The following KLHL13 variants were observed in gnomAD, a reference collection of about 807,000 sequenced individuals.
KLHL13 encodes the protein kelch like family member 13.
In KLHL13, 10 loss-of-function variants were observed where a neutral mutation model predicts 37.1. The observed-to-expected ratio is 0.27, with a 90% CI of 0.17 to 0.46. The LOEUF (loss-of-function observed/expected upper bound fraction) is 0.46. Ranked by LOEUF, KLHL13 falls within the 20% of genes least tolerant of loss-of-function variation. KLHL13 has a pLI of 1.00. For missense variants in KLHL13, 360 were observed against 509.3 expected, an observed-to-expected ratio of 0.71 and a Z score of 2.82; for synonymous variants, 163 against 181.2, an observed-to-expected ratio of 0.90 and a Z score of 0.81.
chrX:118,038,167 A>G (rs1159434808), intron 1 of KLHL13, among the ~76,000 whole-genome samples: 1 of 112,263 alleles, frequency 8.9e-6, no homozygotes, highest in Non-Finnish European at 1.9e-5. Flanking sequence ...GTGTCAATGT[A>G]GGAATATTTA....
intron 1 of KLHL13, among the ~76,000 whole-genome samples, chrX:118,050,046 CTT>C (rs955743705): frequency 2.7e-5 from 3 of 112,131 alleles, no homozygotes; most frequent in Non-Finnish European, 3.8e-5. Flanking sequence ...CCCGTCTTTT[CTT>C]TCTTTCTTTT....
intron 1 of KLHL13, among the ~76,000 whole-genome samples, chrX:118,064,784 A>T (rs1488475813): frequency 8.9e-6 from 1 of 111,848 alleles, no homozygotes; most frequent in Non-Finnish European, 1.9e-5. Context: ...CATATTTGCT[A>T]GCTGTTTTCT....
intron 1 of KLHL13, among the ~76,000 whole-genome samples, chrX:118,072,247 T>G (rs1391400179): frequency 9.0e-6 from 1 of 111,442 alleles, no homozygotes; most frequent in Admixed American, 9.5e-5. Flanking sequence ...CCCTATTTAA[T>G]AAATGGTGCT....
At chrX:118,016,525 T>C (rs1280446511) in intron 1 of KLHL13, among the ~76,000 whole-genome samples, 1 of 111,855 alleles carries the variant, frequency 8.9e-6, no homozygotes, top group East Asian at 2.8e-4. Context: ...CTTCTACAGG[T>C]ATTTACTGAA....
intron 1 of KLHL13, among the ~76,000 whole-genome samples, chrX:117,954,987 C>T (rs948318980): frequency 2.9e-4 from 33 of 112,082 alleles, no homozygotes; most frequent in African/African-American, 7.8e-4. Flanking sequence ...CATTTTACTC[C>T]CATTATCTGT....
At chrX:118,105,478 T>G (rs2055335879) in intron 1 of KLHL13, among the ~76,000 whole-genome samples, 1 of 112,804 alleles carries the variant, frequency 8.9e-6, no homozygotes, top group African/African-American at 3.2e-5. Flanking sequence ...TTCTACCTCA[T>G]AGTATTGTTA....
rs192100647 is a variant in KLHL13, at chrX:117,905,108, C to T, written c.1367-3162G>A. Among the ~76,000 whole-genome samples the T allele has an allele frequency of 4.5e-5, 5 of 110,868 alleles. No homozygotes were observed. In the East Asian group the frequency reaches 8.5e-4, roughly 19 times the overall value. On this transcript the variant is annotated intron_variant, in intron 5 of 6. Transcript: ENST00000262820. Reference sequence around the variant, plus strand: ...GGAGATGGACTCTAGAAACATAGAACGCTGGTGAGTGATCAAGAAACCCCC... The same window carrying T: ...GGAGATGGACTCTAGAAACATAGAATGCTGGTGAGTGATCAAGAAACCCCC...
rs1034605619 is a variant in KLHL13, at chrX:117,909,566, A to G, written c.1101T>C (p.His367=). The change falls in exon 5 of 7, where the codon CAT becomes CAC. Residue 367 remains histidine, a synonymous_variant. Transcript: ENST00000262820. ...CCATGGGGGCTAACGATTTCCACTC[A>G]TGGGCCTTTTCATCATACATGCGCA... 7.4e-6 allele frequency: 9 copies of G among 1,209,907 alleles called. No individual in the cohort carries two copies. In the African/African-American group the frequency reaches 1.2e-4, roughly 16 times the overall value.
chrX:117,960,863 AT>A (rs1180958198), intron 1 of KLHL13, among the ~76,000 whole-genome samples: 2 of 112,089 alleles, frequency 1.8e-5, no homozygotes, highest in Non-Finnish European at 3.8e-5. Flanking sequence ...CAGTGGAGTT[AT>A]TCTGAATGAT....
intron 5 of KLHL13, among the ~76,000 whole-genome samples, chrX:117,904,732 T>C (rs1214075656): frequency 1.8e-5 from 2 of 111,716 alleles, no homozygotes; most frequent in Non-Finnish European, 1.9e-5. Flanking sequence ...TTATGTAGGG[T>C]TGCTTTTACA....
chrX:118,078,141 C>T lies in KLHL13; in HGVS notation c.-56+38367G>A, dbSNP rs547488196. Among the ~76,000 whole-genome samples, 32 of 111,665 alleles carry T rather than the reference C, an allele frequency of 2.9e-4. No homozygotes were observed. The South Asian group carries it at 0.012, about 40-fold the overall frequency. On this transcript the variant is annotated intron_variant, in intron 1 of 6. Coordinates refer to the KLHL13 transcript ENST00000371882. The stretch of plus-strand genomic sequence containing the variant: ...TTAGTAGACGCAGCAGAAGGGGCTC[C>T]TTATAGTTTAGCGTCACCTGTAGCA...
At chrX:117,939,785 G>C (rs1013932679) in intron 2 of KLHL13, among the ~76,000 whole-genome samples, 5 of 111,823 alleles carry the variant, frequency 4.5e-5, no homozygotes, top group African/African-American at 1.6e-4. Context: ...TTTTGATGGG[G>C]TGGTTTGTTT....
Position 118,028,341 on chromosome X carries a change from A to C in KLHL13, c.-55-82766T>G, listed in dbSNP as rs776188582. ...ATACTTACTTTATACCAAGTATTCA[A>C]CAAATATTTATTGAATGCCTGCTAT... On this transcript the variant is annotated intron_variant, in intron 1 of 6. Coordinates refer to the KLHL13 transcript ENST00000371882. 7.2e-5 allele frequency: 42 copies of C among 584,874 alleles called. No individual in the cohort carries two copies. In the Admixed American group the frequency reaches 8.6e-4, roughly 12 times the overall value. 48.2% of individuals were successfully genotyped at this position (584,874 alleles called of 1,213,427 possible).
intron 1 of KLHL13, among the ~76,000 whole-genome samples, chrX:118,005,707 A>C (rs1176255067): frequency 9.0e-6 from 1 of 111,664 alleles, no homozygotes. Context: ...AAAGGCAAGG[A>C]AACGGATTTT....
chrX:117,957,718 CT>C (rs2053226699), intron 1 of KLHL13, among the ~76,000 whole-genome samples: 1 of 111,262 alleles, frequency 9.0e-6, no homozygotes, highest in African/African-American at 3.3e-5. Context: ...TAATTTATTT[CT>C]CCTAAACCCT....
At position 117,901,951 on chromosome X, in the gene KLHL13, T is replaced by TAAA; in HGVS notation, c.1367-8_1367-6dup. ...GATTGTAACATTCTACTGTGGCTGTTAAAAAAAAAAAGAAAAGAAAATTAT... is the reference window on the plus strand; with the variant it reads ...GATTGTAACATTCTACTGTGGCTGTTAAAAAAAAAAAAAAGAAAAGAAAATTAT... On this transcript the variant is annotated splice_polypyrimidine_tract_variant and splice_region_variant and intron_variant, in intron 5 of 6. Coordinates refer to ENST00000262820, the Ensembl canonical transcript of KLHL13. The TAAA allele has an allele frequency of 1.2e-6, 1 of 843,562 alleles. No individual in the cohort carries two copies. Among genetic ancestry groups the TAAA allele is most frequent in the Non-Finnish European group, 1.6e-6 (1 of 615,327 alleles). The allele number at this position is 843,562 out of a possible 1,213,427, so 69.5% of individuals were successfully genotyped here.
intron 1 of KLHL13, among the ~76,000 whole-genome samples, chrX:118,081,455 T>G (rs1260385204): frequency 3.6e-5 from 4 of 110,672 alleles, no homozygotes; most frequent in Non-Finnish European, 7.6e-5. Flanking sequence ...TGATTTTTGG[T>G]TTTTTTTAAC....
At chrX:117,956,273 A>G (rs1435143286) in intron 1 of KLHL13, among the ~76,000 whole-genome samples, 1 of 112,173 alleles carries the variant, frequency 8.9e-6, no homozygotes. Context: ...CAAAATTTAT[A>G]ATGTTTTTCT....
At chrX:118,039,063 G>A (rs1443298388) in intron 1 of KLHL13, among the ~76,000 whole-genome samples, 1 of 112,441 alleles carries the variant, frequency 8.9e-6, no homozygotes, top group Non-Finnish European at 1.9e-5. Flanking sequence ...AAGGAAACCT[G>A]CTGCCTTGAA....
Sources: gnomAD v4.1 joint callset for allele counts (sites outside exome capture counted in the v4.1 genomes callset) on GRCh38, gnomAD v4.1.1 for gene constraint, MANE v1.5 for transcripts, NCBI Gene and HGNC (gene_info 2026-07-23, HGNC 2026-07-21) for gene names.